Variants in ITGB4 observed in about 807,000 individuals in gnomAD.
ITGB4 encodes integrin subunit beta 4.
ITGB4 carries 159 observed loss-of-function variants against 207.6 expected under a neutral mutation model. That is an observed-to-expected ratio of 0.77 (90% CI 0.67 to 0.87). ITGB4 has a LOEUF of 0.87. ITGB4 is among the 40% of genes least tolerant of loss of function. ITGB4 has a pLI of 0.00. For missense variants in ITGB4, 2,278 were observed against 2,546.8 expected, an observed-to-expected ratio of 0.89 and a Z score of 2.27; for synonymous variants, 1,020 against 1,062.7, an observed-to-expected ratio of 0.96 and a Z score of 0.78.
chr17:75,732,073 G>T lies in ITGB4; in HGVS notation c.1378-90G>T. The T allele has an allele frequency of 6.2e-7, 1 of 1,607,648 alleles. No individual in the cohort carries two copies. The highest frequency in any genetic ancestry group is 1.3e-5 in the African/African-American group (1 of 74,932). Reference sequence around the variant, plus strand: ...CTCCTGTGCCCCATATCCCTTGTGGGGTTTCCCGAGGCACACAGGAGAGCG... The same window carrying T: ...CTCCTGTGCCCCATATCCCTTGTGGTGTTTCCCGAGGCACACAGGAGAGCG... On this transcript the variant is annotated intron_variant, in intron 11 of 39. Transcript: ENST00000200181. The surrounding 1 kb of genome is among the most constrained non-coding windows in gnomAD (Gnocchi z 5.3).
chr17:75,730,428 C>T lies in ITGB4; in HGVS notation c.926C>T (p.Thr309Ile). Residue 309 changes from threonine (T) to isoleucine (I), a missense_variant, in exon 8 of 40, where the codon ACC becomes ATC. Transcript: ENST00000200181. ...YRTQDYPSVP[T>I]LVRLLAKHNI... is the part of the protein sequence containing the mutation. The stretch of plus-strand genomic sequence containing the variant: ...ACACAGGACTACCCGTCGGTGCCCA[C>T]CCTGGTGCGCCTGCTCGCCAAGCAC... The T allele has an allele frequency of 6.2e-7, 1 of 1,614,090 alleles. No homozygotes were observed. The highest frequency in any genetic ancestry group is 8.5e-7 in the Non-Finnish European group (1 of 1,180,022).
chr17:75,753,656 G>A, intron 32 of ITGB4, 109 bp from the exon 33 acceptor site: 2 of 691,204 alleles, frequency 2.9e-6, no homozygotes, highest in East Asian at 3.5e-5. Flanking sequence ...CCGGGATCCC[G>A]GGAGCTGGAG....
chr17:75,757,294 C>A lies in ITGB4; in HGVS notation c.5313C>A (p.Thr1771=). 2 of 1,612,106 alleles carry A rather than the reference C, an allele frequency of 1.2e-6. No homozygotes were observed. Among genetic ancestry groups the A allele is most frequent in the Non-Finnish European group, 1.7e-6 (2 of 1,180,000 alleles). Residue 1771 remains threonine, a synonymous_variant, in exon 39 of 40, where the codon ACC becomes ACA. Transcript: ENST00000200181. ...SSITTTHTSA[T]EPFLVDGLTL... ...TCACCACCACCCACACCAGCGCCAC[C>A]GAGCCCTTCCTAGTGGGTGAGCACT...
In ITGB4 at chr17:75,750,845, C is replaced by A. The variant is rs571861704; in HGVS notation, c.3640C>A (p.Arg1214Ser). Reference protein sequence around the residue: ...EGPYSSLVSCRTHQEVPSEPG... With the variant: ...EGPYSSLVSCSTHQEVPSEPG... ...ACCCTACAGCTCCCTGGTGTCCTGC[C>A]GCACCCACCAGGAAGGTGAGGCCTC... The change falls in exon 29 of 40, where the codon CGC (arginine) becomes AGC (serine). Residue 1214 changes from arginine to serine, a missense_variant. Coordinates refer to ENST00000200181, the MANE Select transcript of ITGB4 (RefSeq NM_000213.5). The surrounding 1 kb of genome is among the most constrained non-coding windows in gnomAD (Gnocchi z 5.5). 6.2e-7 allele frequency: 1 copy of A among 1,613,364 alleles called. No homozygotes were observed. The highest frequency in any genetic ancestry group is 8.5e-7 in the Non-Finnish European group (1 of 1,180,004).
chr17:75,727,544 T>A lies in ITGB4; in HGVS notation c.264+39T>A. On this transcript the variant is annotated intron_variant, in intron 4 of 39. Coordinates refer to ENST00000200181, the MANE Select transcript of ITGB4 (RefSeq NM_000213.5). This position sits in a 1 kb window ranked among gnomAD's most constrained non-coding sequence, Gnocchi z 6.0. ...GGACTGGGGTGGGGGCTCCCCATGC[T>A]CAGCCTGGCTATTTATGGGGGTGTA... The A allele has an allele frequency of 6.2e-7, 1 of 1,604,484 alleles. No individual in the cohort carries two copies. The highest frequency in any genetic ancestry group is 8.5e-7 in the Non-Finnish European group (1 of 1,174,320).
rs1019521931 is a variant in ITGB4 at position 75,721,467 on chromosome 17, C to A, written c.-156C>A. 6.6e-6 allele frequency: 1 copy of A among 151,668 alleles called. No individual in the cohort carries two copies. The highest frequency in any genetic ancestry group is 1.5e-5 in the Non-Finnish European group (1 of 67,846). 9.4% of individuals were successfully genotyped at this position (151,668 alleles called of 1,614,324 possible). A position where few individuals can be genotyped will look rare whatever the true frequency, so the allele number is the denominator to read the frequency against. ...CCCGCCTCGTCCCCACCCCCCCAAC[C>A]CCCGCGCCCGCCCTCGGACAGTCCC... On this transcript the variant is annotated 5_prime_UTR_variant, in exon 1 of 40. Coordinates refer to ENST00000200181, the MANE Select transcript of ITGB4 (RefSeq NM_000213.5).
At chr17:75,743,357 C>T (rs556627125) in intron 25 of ITGB4, among the ~76,000 whole-genome samples, 1 of 152,168 alleles carries the variant, frequency 6.6e-6, no homozygotes, top group Non-Finnish European at 1.5e-5. Flanking sequence ...CTCAGCCTCC[C>T]GAGTAGCTGG....
rs754167072 is a variant in ITGB4, at chr17:75,752,301, G to C, written c.3921G>C (p.Gly1307=). ...TVKARNGAGW[G]PEREAIINLA... ...AGGCGCGCAACGGGGCCGGCTGGGG[G>C]CCTGAGCGGGAGGCCATCATCAACC... is the stretch of plus-strand genomic sequence containing the variant. The change falls in exon 31 of 40, where the codon GGG becomes GGC. Residue 1307 remains glycine, a synonymous_variant. Transcript: ENST00000200181. 2 of 1,613,172 alleles carry C rather than the reference G, an allele frequency of 1.2e-6. No individual in the cohort carries two copies. Among genetic ancestry groups the C allele is most frequent in the South Asian group, 2.2e-5 (2 of 91,082 alleles).
At position 75,739,225 on chromosome 17, in the gene ITGB4, G is replaced by T. The variant is rs2061050511; in HGVS notation, c.2221-447G>T. 6.6e-6 allele frequency among the ~76,000 whole-genome samples: 1 copy of T among 150,582 alleles called. No homozygotes were observed. The highest frequency in any genetic ancestry group is 2.1e-4 in the South Asian group (1 of 4,768). ...CAGGAGAATTGCTTGAACCTGGGAGGTAGAGGTTGCAGTGAGCCGCGATCG... is the reference window on the plus strand; with the variant it reads ...CAGGAGAATTGCTTGAACCTGGGAGTTAGAGGTTGCAGTGAGCCGCGATCG... On this transcript the variant is annotated intron_variant, in intron 18 of 39. Coordinates refer to ENST00000200181, the MANE Select transcript of ITGB4 (RefSeq NM_000213.5). The surrounding 1 kb of genome is among the most constrained non-coding windows in gnomAD (Gnocchi z 5.4).
rs778595251 is a variant in ITGB4, at chr17:75,732,175, C to T, written c.1390C>T (p.Arg464Trp). 17 of 1,614,084 alleles carry T rather than the reference C, an allele frequency of 1.1e-5. No homozygotes were observed. The highest frequency in any genetic ancestry group is 1.7e-5 in the Admixed American group (1 of 60,030). Residue 464 changes from arginine to tryptophan, a missense_variant, in exon 12 of 40, where the codon CGG becomes TGG. Coordinates refer to ENST00000200181, the MANE Select transcript of ITGB4 (RefSeq NM_000213.5). The surrounding 1 kb of genome is among the most constrained non-coding windows in gnomAD (Gnocchi z 5.3). ...TCTCTCATTCCAGCAAAAAGAGGTG[C>T]GGTCAGCTCGCTGCAGCTTCAACGG... ...VCTCELQKEVRSARCSFNGDF... is the reference protein window; with the variant it reads ...VCTCELQKEVWSARCSFNGDF...
At chr17:75,745,930 G>A (rs1203708905) in intron 26 of ITGB4, among the ~76,000 whole-genome samples, 1 of 152,060 alleles carries the variant, frequency 6.6e-6, no homozygotes, top group African/African-American at 2.4e-5. Flanking sequence ...CGCCTCCCTG[G>A]GCCCACAGGC....
chr17:75,741,784 C>T (rs1357295238), intron 23 of ITGB4, among the ~76,000 whole-genome samples: 1 of 149,788 alleles, frequency 6.7e-6, no homozygotes, highest in Non-Finnish European at 1.5e-5. Context: ...CCAGCCTGGG[C>T]GACTGAGTGA....
rs1019056931 is a variant in ITGB4 at position 75,732,220 on chromosome 17, T to C, written c.1435T>C (p.Cys479Arg). 1.2e-6 allele frequency: 2 copies of C among 1,613,710 alleles called. No homozygotes were observed. Among genetic ancestry groups the C allele is most frequent in the Non-Finnish European group, 1.7e-6 (2 of 1,179,974 alleles). ...CAACGGAGACTTCGTGTGCGGACAG[T>C]GTGTGTGCAGCGAGGGCTGGTGAGT... is the stretch of plus-strand genomic sequence containing the variant. ...SFNGDFVCGQCVCSEGWSGQT... is the reference protein window; with the variant it reads ...SFNGDFVCGQRVCSEGWSGQT... The change falls in exon 12 of 40, where the codon TGT becomes CGT. Residue 479 changes from cysteine to arginine, a missense_variant. Transcript: ENST00000200181. This position sits in a 1 kb window ranked among gnomAD's most constrained non-coding sequence, Gnocchi z 5.3.
rs2060892536 is a variant in ITGB4, at chr17:75,732,912, T to A, written c.1455-578T>A. Among the ~76,000 whole-genome samples, 1 of 148,774 alleles carries A rather than the reference T, an allele frequency of 6.7e-6. No individual in the cohort carries two copies. The highest frequency in any genetic ancestry group is 2.1e-4 in the South Asian group (1 of 4,704). ...GACCAGCCTGGCCAACATGGTGAAA[T>A]CCCATCTCTACTAAAAATACAAAAA... is the stretch of plus-strand genomic sequence containing the variant. On this transcript the variant is annotated intron_variant, in intron 12 of 39. Transcript: ENST00000200181. The surrounding 1 kb of genome is among the most constrained non-coding windows in gnomAD (Gnocchi z 5.3).
In ITGB4 at chr17:75,755,852, TG is replaced by T; in HGVS notation, c.4708+3del. Reference sequence around the variant, plus strand: ...TGGAGTACCAGCTGCTGAACGGCGGTGAGGCATGGTGGCTGCCAGGCTGCGG... The same window carrying T: ...TGGAGTACCAGCTGCTGAACGGCGGTAGGCATGGTGGCTGCCAGGCTGCGG... On this transcript the variant is annotated splice_donor_region_variant and intron_variant, in intron 35 of 39. Coordinates refer to ENST00000200181, the MANE Select transcript of ITGB4 (RefSeq NM_000213.5). The T allele has an allele frequency of 6.2e-7, 1 of 1,602,002 alleles. No individual in the cohort carries two copies. The highest frequency in any genetic ancestry group is 2.2e-5 in the East Asian group (1 of 44,854).
intron 13 of ITGB4, among the ~76,000 whole-genome samples, chr17:75,735,239 C>G (rs2060947659): frequency 6.6e-6 from 1 of 152,042 alleles, no homozygotes; most frequent in East Asian, 1.9e-4. Flanking sequence ...AGGGGCCCAC[C>G]ACCAAGCCCA....
intron 35 of ITGB4, 113 bp downstream of exon 35, chr17:75,755,963 T>C: frequency 3.8e-6 from 5 of 1,305,414 alleles, no homozygotes; most frequent in Non-Finnish European, 5.3e-6. Flanking sequence ...CCTTGAGCGC[T>C]AAAGCCCCCA....
In ITGB4 at chr17:75,731,201, C is replaced by T; in HGVS notation, c.1093-45C>T. On this transcript the variant is annotated intron_variant, in intron 9 of 39. Coordinates refer to ENST00000200181, the MANE Select transcript of ITGB4 (RefSeq NM_000213.5). This position sits in a 1 kb window ranked among gnomAD's most constrained non-coding sequence, Gnocchi z 6.8. ...CACACTTGGAGGTTGGGGTGGAGCA[C>T]AGAGGCCCCCCACAGAGCACTGATC... is the stretch of plus-strand genomic sequence containing the variant. 6.2e-7 allele frequency: 1 copy of T among 1,612,958 alleles called. No individual in the cohort carries two copies. Among genetic ancestry groups the T allele is most frequent in the South Asian group, 1.1e-5 (1 of 91,064 alleles).
Position 75,750,978 on chromosome 17 carries a change from C to T in ITGB4, c.3660C>T (p.Pro1220=). The T allele has an allele frequency of 1.2e-6, 2 of 1,613,724 alleles. No individual in the cohort carries two copies. Among genetic ancestry groups the T allele is most frequent in the South Asian group, 2.2e-5 (2 of 91,080 alleles). Residue 1220 remains proline, a synonymous_variant, in exon 30 of 40, where the codon CCC becomes CCT. Transcript: ENST00000200181. The surrounding 1 kb of genome is among the most constrained non-coding windows in gnomAD (Gnocchi z 5.5). ...LVSCRTHQEV[P]SEPGRLAFNV... ...CCTGTATTCCCCGCTCCCTAGTGCC[C>T]AGCGAGCCAGGGCGTCTGGCCTTCA... is the stretch of plus-strand genomic sequence containing the variant.
Sources: allele counts gnomAD v4.1 joint callset (sites outside exome capture counted in the v4.1 genomes callset), GRCh38; gene constraint gnomAD v4.1.1; non-coding constraint Gnocchi (gnomAD v3.1); transcripts MANE v1.5; gene names NCBI Gene and HGNC (gene_info 2026-07-23, HGNC 2026-07-21).